STAG1: variants seen among roughly 807,000 people sequenced by gnomAD.
STAG1 encodes the protein STAG1 cohesin complex component.
Under a neutral mutation model 170.9 loss-of-function variants are expected in STAG1, and 26 were observed. The ratio of observed to expected loss-of-function variants is 0.15; its 90% CI spans 0.11 to 0.21. The LOEUF (loss-of-function observed/expected upper bound fraction) is 0.21, where lower values mean the gene tolerates loss of function less well. Ranked by LOEUF, STAG1 falls within the 10% of genes least tolerant of loss-of-function variation. STAG1 has a pLI of 1.00. For missense variants in STAG1, 964 were observed against 1,509.5 expected (o/e 0.64, Z 5.99); for synonymous variants, 514 against 497.7 (o/e 1.03, Z -0.44).
At chr3:136,702,115 G>GAGAC (rs1553768613) in intron 1 of STAG1, among the ~76,000 whole-genome samples, 207 of 66,316 alleles carry the variant, frequency 3.1e-3, no homozygotes, top group South Asian at 0.01. Context: ...GAGAGAGAGA[G>GAGAC]AGAGAGACAG....
chr3:136,531,087 A>G (rs1459962441), intron 6 of STAG1, among the ~76,000 whole-genome samples: 3 of 152,208 alleles, frequency 2.0e-5, no homozygotes, highest in Non-Finnish European at 4.4e-5. Flanking sequence ...CTGGGCAACA[A>G]GAGCGAAACT....
At chr3:136,747,448 G>A (rs1181057477) in intron 1 of STAG1, among the ~76,000 whole-genome samples, 2 of 152,074 alleles carry the variant, frequency 1.3e-5, no homozygotes, top group African/African-American at 2.4e-5. Context: ...CAGCACCTTG[G>A]GAGGCCAAGG....
intron 22 of STAG1, among the ~76,000 whole-genome samples, chr3:136,390,760 T>C (rs531951813): frequency 6.6e-6 from 1 of 152,342 alleles, no homozygotes; most frequent in South Asian, 2.1e-4. Context: ...CTGTATTTTG[T>C]TATTACAGGA....
intron 13 of STAG1, among the ~76,000 whole-genome samples, 191 bp downstream of exon 13, chr3:136,464,690 A>C (rs1433443037): frequency 6.6e-6 from 1 of 152,198 alleles, no homozygotes; most frequent in African/African-American, 2.4e-5. Context: ...GGAGTATGTC[A>C]CAAGGTACAG....
intron 5 of STAG1, among the ~76,000 whole-genome samples, chr3:136,547,459 A>G (rs949275087): frequency 2.0e-5 from 3 of 152,120 alleles, no homozygotes; most frequent in African/African-American, 7.2e-5. Context: ...CATTACTGAA[A>G]CTTGATACAC....
chr3:136,479,594 G>C (rs1412115097), intron 9 of STAG1, among the ~76,000 whole-genome samples: 1 of 63,518 alleles, frequency 1.6e-5, no homozygotes, highest in African/African-American at 5.0e-5. Flanking sequence ...TATATATCCA[G>C]TAACGGGATG....
chr3:136,721,939 G>T (rs1178989981), intron 1 of STAG1, among the ~76,000 whole-genome samples: 1 of 151,712 alleles, frequency 6.6e-6, no homozygotes, highest in Non-Finnish European at 1.5e-5. Flanking sequence ...TTACACTATG[G>T]GGCTAGGTGT....
chr3:136,489,523 A>G (rs574997501), intron 9 of STAG1, among the ~76,000 whole-genome samples: 2 of 152,204 alleles, frequency 1.3e-5, no homozygotes, highest in Non-Finnish European at 1.5e-5. Context: ...TGTACAAGGA[A>G]TCTCATGAGA....
chr3:136,353,227 C>G (rs775499656), intron 28 of STAG1, among the ~76,000 whole-genome samples: 1 of 152,040 alleles, frequency 6.6e-6, no homozygotes, highest in Non-Finnish European at 1.5e-5. Context: ...TATGGGATAC[C>G]ATTAAATATA....
intron 1 of STAG1, among the ~76,000 whole-genome samples, chr3:136,667,336 C>A (rs1299473877): frequency 6.6e-6 from 1 of 151,880 alleles, no homozygotes; most frequent in Non-Finnish European, 1.5e-5. Flanking sequence ...TGACTTGAGT[C>A]TAGGAGTTCA....
At chr3:136,492,916 T>G (rs1277833446) in intron 9 of STAG1, among the ~76,000 whole-genome samples, 2 of 152,014 alleles carry the variant, frequency 1.3e-5, no homozygotes, top group Admixed American at 6.6e-5. Context: ...AAAATATATA[T>G]GACAATAATA....
chr3:136,695,160 A>G (rs1397234398), intron 1 of STAG1, among the ~76,000 whole-genome samples: 1 of 152,214 alleles, frequency 6.6e-6, no homozygotes, highest in Non-Finnish European at 1.5e-5. Flanking sequence ...GAACCCAATG[A>G]AGGCCACTGT....
chr3:136,476,396 T>G (rs2089750453), intron 10 of STAG1, among the ~76,000 whole-genome samples: 1 of 152,124 alleles, frequency 6.6e-6, no homozygotes, highest in Admixed American at 6.5e-5. Flanking sequence ...ACACAATAAT[T>G]GCAATAGGCA....
intron 1 of STAG1, among the ~76,000 whole-genome samples, chr3:136,639,901 C>T (rs1412198919): frequency 6.6e-6 from 1 of 152,110 alleles, no homozygotes; most frequent in African/African-American, 2.4e-5. Flanking sequence ...AAAAAGTATA[C>T]ATGTATATAT....
At chr3:136,400,746 C>T (rs915953065) in intron 21 of STAG1, among the ~76,000 whole-genome samples, 6 of 151,904 alleles carry the variant, frequency 3.9e-5, no homozygotes, top group Non-Finnish European at 7.4e-5. Flanking sequence ...ATGTTGGCCA[C>T]GCTGGTCTTG....
chr3:136,573,420 C>T (rs1040435479), intron 4 of STAG1, among the ~76,000 whole-genome samples: 1 of 151,958 alleles, frequency 6.6e-6, no homozygotes, highest in South Asian at 2.1e-4. Context: ...AAAATTCAAG[C>T]AACCAAAGGG....
intron 1 of STAG1, among the ~76,000 whole-genome samples, chr3:136,633,133 A>G (rs959356602): frequency 1.3e-5 from 2 of 152,154 alleles, no homozygotes; most frequent in African/African-American, 2.4e-5. Context: ...TTAATATTCA[A>G]AATGTCCATT....
chr3:136,736,137 A>G (rs1934318740), intron 1 of STAG1, among the ~76,000 whole-genome samples: 1 of 152,236 alleles, frequency 6.6e-6, no homozygotes, highest in Non-Finnish European at 1.5e-5. Context: ...CATTTTAAAA[A>G]ATATGTTTAA....
At chr3:136,346,526 C>A (rs1936228201) in intron 29 of STAG1, among the ~76,000 whole-genome samples, 2 of 152,242 alleles carry the variant, frequency 1.3e-5, no homozygotes, top group South Asian at 4.1e-4. Flanking sequence ...TCTGGTTCCA[C>A]ACAAGCTTCT....
Sources: allele counts gnomAD v4.1 joint callset (sites outside exome capture counted in the v4.1 genomes callset), GRCh38; gene constraint gnomAD v4.1.1; transcripts MANE v1.5; gene names NCBI Gene and HGNC (gene_info 2026-07-23, HGNC 2026-07-21).